The following UGDH variants were observed in gnomAD, a reference collection of about 807,000 sequenced individuals.
UGDH encodes UDP-glucose 6-dehydrogenase.
A neutral mutation model predicts 50.6 loss-of-function variants in UGDH; 38 were observed. The ratio of observed to expected loss-of-function variants is 0.75; its 90% confidence interval spans 0.58 to 0.98. UGDH has a LOEUF of 0.98. Ranked by LOEUF, UGDH falls within the 50% of genes least tolerant of loss-of-function variation. UGDH has a pLI of 0.00. For synonymous variants in UGDH, 168 were observed against 199.9 expected (o/e 0.84, Z 1.35); for missense variants, 465 against 606.2 (o/e 0.77, Z 2.45).
intron 3 of UGDH, among the ~76,000 whole-genome samples, chr4:39,513,824 C>T (rs529807621): frequency 2.6e-5 from 4 of 152,216 alleles, no homozygotes; most frequent in Admixed American, 6.5e-5. Flanking sequence ...CGTGAGCCAC[C>T]GCACCCGCCC....
Position 39,499,005 on chromosome 4 carries a change from A to G in UGDH, c.*1138T>C, listed in dbSNP as rs1277908632. On this transcript the variant is annotated 3_prime_UTR_variant, in exon 12 of 12. Coordinates refer to ENST00000316423, the MANE Select transcript of UGDH (RefSeq NM_003359.4). Reference sequence around the variant, plus strand: ...AATATAAAACTCAACAAGAGACATAAGAAAAAAGCAGACAGAAAACAAAAA... The same window carrying G: ...AATATAAAACTCAACAAGAGACATAGGAAAAAAGCAGACAGAAAACAAAAA... 1 of 152,222 alleles carries G rather than the reference A, an allele frequency of 6.6e-6. No homozygotes were observed. Among genetic ancestry groups the G allele is most frequent in the Non-Finnish European group, 1.5e-5 (1 of 68,046 alleles). The allele number at this position is 152,222 out of a possible 1,614,324, so 9.4% of individuals were successfully genotyped here.
At chr4:39,500,772 T>A (rs1745773604) in intron 11 of UGDH, among the ~76,000 whole-genome samples, 1 of 150,442 alleles carries the variant, frequency 6.6e-6, no homozygotes, top group South Asian at 2.1e-4. Context: ...TTCTCCTGTC[T>A]GCCTTCTGAG....
chr4:39,527,213 C>T, intron 1 of UGDH, 70 bp downstream of exon 1: 1 of 1,001,580 alleles, frequency 1.0e-6, no homozygotes, highest in Non-Finnish European at 1.3e-6. Context: ...AGCCCCGCTC[C>T]CTCCACATCC....
intron 1 of UGDH, among the ~76,000 whole-genome samples, chr4:39,525,778 G>A (rs868166794): frequency 1.3e-5 from 2 of 152,280 alleles, no homozygotes; most frequent in Middle Eastern, 3.4e-3. Context: ...CAAAGTGCTG[G>A]GATTACAGGC....
Position 39,510,338 on chromosome 4 carries a change from A to C in UGDH, c.663+15T>G. ...TGGCTTTAATTTAATGAAGAGTTGA[A>C]TGCTATATACTAACCAGTTTGGAAA... On this transcript the variant is annotated intron_variant, in intron 5 of 11. Coordinates refer to ENST00000316423, the MANE Select transcript of UGDH (RefSeq NM_003359.4). 6.2e-7 allele frequency: 1 copy of C among 1,612,986 alleles called. No homozygotes were observed. Among genetic ancestry groups the C allele is most frequent in the Non-Finnish European group, 8.5e-7 (1 of 1,179,454 alleles).
chr4:39,508,701 C>A (rs754570374), intron 6 of UGDH, 41 bp from the exon 7 acceptor site: 2 of 1,536,882 alleles, frequency 1.3e-6, no homozygotes, highest in East Asian at 2.4e-5. Flanking sequence ...CATGTAAGAA[C>A]GAGAAAACTC....
chr4:39,521,064 C>T (rs1168490569), intron 2 of UGDH, among the ~76,000 whole-genome samples: 3 of 125,008 alleles, frequency 2.4e-5, no homozygotes, highest in East Asian at 2.3e-4. Flanking sequence ...AGGAAGACTC[C>T]GTCTCAAAAA....
Position 39,506,232 on chromosome 4 carries a change from T to TAAAAAAA in UGDH, c.907-485_907-484insTTTTTTT, listed in dbSNP as rs1560687103. Among the ~76,000 whole-genome samples the TAAAAAAA allele has an allele frequency of 9.9e-4, 30 of 30,424 alleles. 1 individual carries two copies. In the East Asian group the frequency reaches 0.035, roughly 36 times the overall value. The allele number at this position is 30,424 out of a possible 152,430, so 20.0% of individuals were successfully genotyped here. On this transcript the variant is annotated intron_variant, in intron 7 of 11. Coordinates refer to ENST00000316423, the MANE Select transcript of UGDH (RefSeq NM_003359.4). ...GACAGAGCCAGACCCTGCCGTAAAT[T>TAAAAAAA]TAAAAAAAAAAAAAAAGCCATTCTA... is the stretch of plus-strand genomic sequence containing the variant.
At chr4:39,502,077 T>G (rs1373069801) in intron 11 of UGDH, among the ~76,000 whole-genome samples, 1 of 152,258 alleles carries the variant, frequency 6.6e-6, no homozygotes, top group African/African-American at 2.4e-5. Context: ...GAAAGTTAAC[T>G]TTTACAATAA....
chr4:39,527,157 C>T lies in UGDH; in HGVS notation c.-8+126G>A. 3 of 1,282,224 alleles carry T rather than the reference C, an allele frequency of 2.3e-6. No individual in the cohort carries two copies. The South Asian group carries it at 3.7e-5, about 16-fold the overall frequency. 79.4% of individuals were successfully genotyped at this position (1,282,224 alleles called of 1,614,324 possible). On this transcript the variant is annotated intron_variant, in intron 1 of 11. Transcript: ENST00000316423. ...GAGACGAAGGTCGTGAGACGGGAAG[C>T]CCGGGACCCAGCGCAGCGAGCGACC...
At chr4:39,516,609 G>A (rs544220210) in intron 2 of UGDH, among the ~76,000 whole-genome samples, 1 of 152,246 alleles carries the variant, frequency 6.6e-6, no homozygotes, top group East Asian at 1.9e-4. Context: ...GGGGCCATAG[G>A]TCTGGCATTA....
intron 2 of UGDH, among the ~76,000 whole-genome samples, chr4:39,517,264 G>A (rs1224348696): frequency 8.7e-5 from 13 of 150,032 alleles, no homozygotes; most frequent in African/African-American, 1.2e-4. Flanking sequence ...GTGCAGTGGC[G>A]CGATCTCGGC....
chr4:39,508,371 C>G (rs1335359451), intron 7 of UGDH, among the ~76,000 whole-genome samples, 195 bp downstream of exon 7: 1 of 152,154 alleles, frequency 6.6e-6, no homozygotes. Context: ...GTAGCTAGGA[C>G]TACAGGTGTG....
intron 1 of UGDH, among the ~76,000 whole-genome samples, chr4:39,524,995 T>C (rs114804393): frequency 0.016 from 2,494 of 152,376 alleles, 33 homozygotes; most frequent in Non-Finnish European, 0.021. Flanking sequence ...TTGGGTATTC[T>C]CGCCTTGCTA....
At chr4:39,511,045 T>C (rs1746226385) in intron 3 of UGDH, among the ~76,000 whole-genome samples, 184 bp from the exon 4 acceptor site, 1 of 152,166 alleles carries the variant, frequency 6.6e-6, no homozygotes, top group Non-Finnish European at 1.5e-5. Context: ...GCTTGAAGCA[T>C]CTAGAGAACT....
chr4:39,521,673 T>C, intron 1 of UGDH, 154 bp from the exon 2 acceptor site: 1 of 590,856 alleles, frequency 1.7e-6, no homozygotes, highest in Non-Finnish European at 2.6e-6. Flanking sequence ...GAAATAGTGA[T>C]TTAAAAAATA....
intron 7 of UGDH, among the ~76,000 whole-genome samples, chr4:39,507,448 C>T (rs1027138767): frequency 2.0e-5 from 3 of 152,156 alleles, no homozygotes; most frequent in African/African-American, 7.2e-5. Flanking sequence ...TGCAGTGACA[C>T]AATCCTGGCT....
intron 11 of UGDH, among the ~76,000 whole-genome samples, chr4:39,500,991 G>C (rs1025050567): frequency 6.8e-6 from 1 of 148,052 alleles, no homozygotes; most frequent in Non-Finnish European, 1.5e-5. Flanking sequence ...TTGAGATGGA[G>C]TCTTGCCCTG....
intron 2 of UGDH, among the ~76,000 whole-genome samples, chr4:39,516,974 T>A (rs563027495): frequency 6.6e-6 from 1 of 152,314 alleles, no homozygotes; most frequent in Non-Finnish European, 1.5e-5. Context: ...AAGACTTACA[T>A]AATTATATTA....
Sources: gnomAD v4.1 joint callset for allele counts (sites outside exome capture counted in the v4.1 genomes callset) on GRCh38, gnomAD v4.1.1 for gene constraint, MANE v1.5 for transcripts, NCBI Gene and HGNC (gene_info 2026-07-23, HGNC 2026-07-21) for gene names.